FBXL20: variants seen among roughly 807,000 people sequenced by gnomAD.
FBXL20 encodes F-box/LRR-repeat protein 20.
FBXL20 carries 11 observed loss-of-function variants against 64.0 expected under a neutral mutation model. That is an observed-to-expected ratio of 0.17 (90% CI 0.11 to 0.28). The LOEUF (loss-of-function observed/expected upper bound fraction) is 0.28, where lower values mean the gene tolerates loss of function less well. Ranked by LOEUF, FBXL20 falls within the 10% of genes least tolerant of loss-of-function variation. FBXL20 has a pLI of 1.00. For missense variants in FBXL20, 303 were observed against 526.2 expected, an observed-to-expected ratio of 0.58 and a Z score of 4.15; for synonymous variants, 184 against 189.0, an observed-to-expected ratio of 0.97 and a Z score of 0.22.
chr17:39,263,262 C>T lies in FBXL20; in HGVS notation c.1203+913G>A, dbSNP rs183796344. Among the ~76,000 whole-genome samples, 958 of 152,272 alleles carry T rather than the reference C, an allele frequency of 6.3e-3. 16 individuals carry two copies. Among genetic ancestry groups the T allele is most frequent in the African/African-American group, 0.022 (916 of 41,558 alleles). Reference sequence around the variant, plus strand: ...GGGCATGGTGGCTCACACCTATAATCCCAGCACTTCTGAAGGCCAAGGCAG... The same window carrying T: ...GGGCATGGTGGCTCACACCTATAATTCCAGCACTTCTGAAGGCCAAGGCAG... On this transcript the variant is annotated intron_variant, in intron 14 of 14. Coordinates refer to ENST00000264658, the MANE Select transcript of FBXL20 (RefSeq NM_032875.3).
At chr17:39,302,575 G>GT (rs1169638059) in intron 3 of FBXL20, among the ~76,000 whole-genome samples, 1 of 152,064 alleles carries the variant, frequency 6.6e-6, no homozygotes, top group East Asian at 1.9e-4. Flanking sequence ...GGGTTTCACT[G>GT]TGTTAGCCAG....
intron 1 of FBXL20, among the ~76,000 whole-genome samples, chr17:39,364,240 T>C (rs2047835746): frequency 6.6e-6 from 1 of 152,156 alleles, no homozygotes; most frequent in Non-Finnish European, 1.5e-5. Flanking sequence ...TGCAATTTTG[T>C]TGCTTCTCCC....
At chr17:39,326,882 C>CTT (rs904426291) in intron 2 of FBXL20, among the ~76,000 whole-genome samples, 13 of 131,162 alleles carry the variant, frequency 9.9e-5, no homozygotes, top group African/African-American at 1.7e-4. Flanking sequence ...CCTGTCTTGG[C>CTT]TTTTTTTTTT....
chr17:39,374,741 A>G (rs1452185318), intron 1 of FBXL20, among the ~76,000 whole-genome samples: 1 of 152,176 alleles, frequency 6.6e-6, no homozygotes, highest in Non-Finnish European at 1.5e-5. Context: ...AAGCAATTCC[A>G]ATGAAATGGA....
intron 2 of FBXL20, among the ~76,000 whole-genome samples, chr17:39,314,795 C>CTTTT (rs59955109): frequency 5.6e-5 from 7 of 125,962 alleles, no homozygotes; most frequent in Admixed American, 2.6e-4. Flanking sequence ...ATATCCTTTT[C>CTTTT]TTTTTTTTTT....
At chr17:39,343,118 T>A in intron 2 of FBXL20, 62 bp downstream of exon 2, 1 of 1,300,460 alleles carries the variant, frequency 7.7e-7, no homozygotes, top group Non-Finnish European at 1.1e-6. Context: ...AGTTAAAAAA[T>A]TTTAAACAGG....
chr17:39,302,223 A>G (rs2047142605), intron 3 of FBXL20, among the ~76,000 whole-genome samples: 1 of 151,904 alleles, frequency 6.6e-6, no homozygotes. Context: ...AAATATATGT[A>G]TTTCTTGAGA....
chr17:39,332,098 T>G (rs1039489270), intron 2 of FBXL20, among the ~76,000 whole-genome samples: 1 of 152,206 alleles, frequency 6.6e-6, no homozygotes, highest in Non-Finnish European at 1.5e-5. Context: ...TCCATGTTCT[T>G]AACTATTAAT....
At chr17:39,293,601 A>C (rs1459030935) in intron 6 of FBXL20, among the ~76,000 whole-genome samples, 1 of 152,170 alleles carries the variant, frequency 6.6e-6, no homozygotes, top group Non-Finnish European at 1.5e-5. Context: ...CCAAGGTGTA[A>C]TCTTTCTGGA....
At chr17:39,331,192 C>A (rs2047456932) in intron 2 of FBXL20, among the ~76,000 whole-genome samples, 1 of 152,210 alleles carries the variant, frequency 6.6e-6, no homozygotes, top group Non-Finnish European at 1.5e-5. Context: ...CCTCCACCTC[C>A]GGGGTTCAAG....
At chr17:39,305,269 T>C (rs1410436723) in intron 2 of FBXL20, among the ~76,000 whole-genome samples, 5 of 152,216 alleles carry the variant, frequency 3.3e-5, no homozygotes, top group African/African-American at 9.6e-5. Context: ...TTAGAAAATA[T>C]TTACTGTCTA....
intron 1 of FBXL20, among the ~76,000 whole-genome samples, chr17:39,349,935 CAA>C (rs35010353): frequency 1.6e-3 from 173 of 110,922 alleles, no homozygotes; most frequent in African/African-American, 3.1e-3. Context: ...GACTCCGTCT[CAA>C]AAAAAAAAAA....
At chr17:39,302,374 CTTTT>C (rs35716617) in intron 3 of FBXL20, among the ~76,000 whole-genome samples, 4 of 129,958 alleles carry the variant, frequency 3.1e-5, no homozygotes, top group Admixed American at 8.0e-5. Flanking sequence ...CCGCATTTGG[CTTTT>C]TTTTTTTTTT....
chr17:39,367,524 C>T (rs1487673084), intron 1 of FBXL20, among the ~76,000 whole-genome samples: 2 of 151,568 alleles, frequency 1.3e-5, no homozygotes, highest in Non-Finnish European at 2.9e-5. Flanking sequence ...ACCATGTTGG[C>T]CAGGCTCATC....
chr17:39,314,021 C>T (rs1198205882), intron 2 of FBXL20, among the ~76,000 whole-genome samples: 1 of 152,110 alleles, frequency 6.6e-6, no homozygotes, highest in Non-Finnish European at 1.5e-5. Flanking sequence ...CAACCATCAC[C>T]ACTATGTAAT....
At chr17:39,368,781 G>A (rs1261587762) in intron 1 of FBXL20, among the ~76,000 whole-genome samples, 3 of 151,832 alleles carry the variant, frequency 2.0e-5, no homozygotes, top group African/African-American at 4.8e-5. Flanking sequence ...TCAGCCTCCC[G>A]AGTAGCTGGG....
At position 39,363,819 on chromosome 17, in the gene FBXL20, A is replaced by AAAAC. The variant is rs1242516184; in HGVS notation, c.43-20579_43-20578insGTTT. The stretch of plus-strand genomic sequence containing the variant: ...GAGCAAGACTTTATCTCAAAAAAAA[A>AAAAC]AAAAAAACAAAAAACAAAAAAAAAA... On this transcript the variant is annotated intron_variant, in intron 1 of 14. Transcript: ENST00000264658. Among the ~76,000 whole-genome samples the AAAAC allele has an allele frequency of 4.8e-3, 648 of 133,762 alleles. 33 individuals are homozygous for AAAAC. The highest frequency in any genetic ancestry group is 0.019 in the African/African-American group (607 of 32,414). The allele number at this position is 133,762 out of a possible 152,430, so 87.8% of individuals were successfully genotyped here.
In FBXL20 at chr17:39,392,853, A is replaced by G. The variant is rs530688285; in HGVS notation, c.42+8508T>C. Among the ~76,000 whole-genome samples the G allele has an allele frequency of 3.3e-5, 5 of 152,032 alleles. No individual in the cohort carries two copies. In the South Asian group the frequency reaches 1.0e-3, roughly 32 times the overall value. On this transcript the variant is annotated intron_variant, in intron 1 of 14. Coordinates refer to ENST00000264658, the MANE Select transcript of FBXL20 (RefSeq NM_032875.3). ...CACGGTGAAATCCCATCTCTACAAAAAAATGTAAAATTTGCCGGGGGTAGT... is the reference window on the plus strand; with the variant it reads ...CACGGTGAAATCCCATCTCTACAAAGAAATGTAAAATTTGCCGGGGGTAGT...
At chr17:39,385,238 C>T (rs571318854) in intron 1 of FBXL20, among the ~76,000 whole-genome samples, 5 of 151,124 alleles carry the variant, frequency 3.3e-5, no homozygotes, top group East Asian at 2.0e-4. Flanking sequence ...CACACACGCG[C>T]GTGCGTGCAC....
Sources: gnomAD v4.1 joint callset for allele counts (sites outside exome capture counted in the v4.1 genomes callset) on GRCh38, gnomAD v4.1.1 for gene constraint, MANE v1.5 for transcripts, NCBI Gene and HGNC (gene_info 2026-07-23, HGNC 2026-07-21) for gene names.